PLAAT3: variants seen among roughly 807,000 people sequenced by gnomAD.
PLAAT3 encodes Ca-independent phospholipase A1/2.
Under a neutral mutation model 16.7 loss-of-function variants are expected in PLAAT3, and 21 were observed. The observed-to-expected ratio is 1.26, with a 90% CI of 0.89 to 1.81. The LOEUF is 1.81. Among genes scored for constraint, PLAAT3 ranks in the 40% most tolerant of loss-of-function variants. The probability of loss-of-function intolerance (pLI) is 0.00; values close to 1 mark genes in which losing one functional copy is unlikely to be tolerated. For synonymous variants in PLAAT3, 76 were observed against 81.7 expected (o/e 0.93, Z 0.38); for missense variants, 219 against 213.7 (o/e 1.02, Z -0.16).
At chr11:63,608,094 A>C (rs1004056045) in intron 2 of PLAAT3, among the ~76,000 whole-genome samples, 2 of 152,152 alleles carry the variant, frequency 1.3e-5, no homozygotes, top group Non-Finnish European at 2.9e-5. Context: ...AGGCAGGAGA[A>C]TTGCTTGAAC....
upstream of PLAAT3, among the ~76,000 whole-genome samples, chr11:63,615,140 G>GTATATATTGTA (rs1285666170): frequency 1.6e-5 from 1 of 62,470 alleles, no homozygotes; most frequent in South Asian, 6.0e-4. Context: ...ATGTATATGT[G>GTATATATTGTA]TATATGTGTG....
At chr11:63,608,146 C>A (rs964399813) in intron 2 of PLAAT3, among the ~76,000 whole-genome samples, 10 of 152,298 alleles carry the variant, frequency 6.6e-5, no homozygotes, top group Admixed American at 1.3e-4. Context: ...CGTGCCACTG[C>A]ACTCCAGCCT....
intron 4 of PLAAT3, among the ~76,000 whole-genome samples, chr11:63,588,206 A>G (rs976349041): frequency 6.6e-6 from 1 of 152,008 alleles, no homozygotes; most frequent in Middle Eastern, 3.2e-3. Flanking sequence ...AGTAGCTGAG[A>G]TTACAGATGC....
intron 4 of PLAAT3, among the ~76,000 whole-genome samples, chr11:63,579,982 G>A (rs1937760026): frequency 1.3e-5 from 2 of 151,782 alleles, no homozygotes; most frequent in African/African-American, 4.8e-5. Context: ...CAAATCAAGT[G>A]AGAGGGTAAA....
intron 2 of PLAAT3, among the ~76,000 whole-genome samples, chr11:63,603,142 A>G (rs1938471206): frequency 6.6e-6 from 1 of 152,196 alleles, no homozygotes; most frequent in Non-Finnish European, 1.5e-5. Context: ...ATTTACAGGA[A>G]AAGTTTGCCA....
At chr11:63,579,639 G>A (rs1045899251) in intron 4 of PLAAT3, among the ~76,000 whole-genome samples, 8 of 145,984 alleles carry the variant, frequency 5.5e-5, no homozygotes, top group African/African-American at 1.3e-4. Context: ...ACCAAACATC[G>A]CATGTTCTCA....
In PLAAT3 at chr11:63,590,331, G is replaced by A. The variant is rs142942871; in HGVS notation, c.156C>T (p.Ser52=). The change falls in exon 4 of 5, where the codon TCC becomes TCT. Residue 52 remains serine, a synonymous_variant. Transcript: ENST00000415826. ...TCACGATGGCCTTGTCAGTCAGGGC[G>A]GACATGACACTGGCTGCACCAGCTC... The part of the protein sequence containing the change: ...VAGAGAASVM[S]ALTDKAIVKK... 1.3e-3 allele frequency: 2,027 copies of A among 1,613,640 alleles called. 4 individuals are homozygous for A. The highest frequency in any genetic ancestry group is 1.3e-3 in the Non-Finnish European group (1,557 of 1,179,554).
At chr11:63,590,488 G>C in intron 3 of PLAAT3, 120 bp from the exon 4 acceptor site, 2 of 798,902 alleles carry the variant, frequency 2.5e-6, no homozygotes, top group South Asian at 3.3e-5. Flanking sequence ...GCAACAAGTG[G>C]AAGGGTCAGA....
At chr11:63,593,699 G>C (rs1938208376) in intron 3 of PLAAT3, among the ~76,000 whole-genome samples, 1 of 152,058 alleles carries the variant, frequency 6.6e-6, no homozygotes, top group Non-Finnish European at 1.5e-5. Context: ...TCGTGCCTCA[G>C]CCTCCAAGTA....
intron 4 of PLAAT3, among the ~76,000 whole-genome samples, 181 bp from the exon 5 acceptor site, chr11:63,575,227 C>A (rs79827516): frequency 2.6e-5 from 4 of 152,192 alleles, no homozygotes; most frequent in Non-Finnish European, 1.5e-5. Context: ...GAAAAGAATT[C>A]GTGGCTGGAG....
At chr11:63,613,512 A>G (rs1186258696) in intron 2 of PLAAT3, among the ~76,000 whole-genome samples, 1 of 152,274 alleles carries the variant, frequency 6.6e-6, no homozygotes, top group Non-Finnish European at 1.5e-5. Flanking sequence ...CAGATGCTCA[A>G]CACTAGGAGG....
At chr11:63,603,058 A>G (rs1286575229) in intron 2 of PLAAT3, among the ~76,000 whole-genome samples, 3 of 152,060 alleles carry the variant, frequency 2.0e-5, no homozygotes, top group Non-Finnish European at 2.9e-5. Flanking sequence ...ACGCCATTGC[A>G]CTCCAGCCTG....
At chr11:63,594,140 G>C (rs150953017) in intron 3 of PLAAT3, among the ~76,000 whole-genome samples, 6 of 152,336 alleles carry the variant, frequency 3.9e-5, no homozygotes, top group African/African-American at 1.2e-4. Context: ...CTTTAGGCCT[G>C]AGCAGCTGAA....
intron 4 of PLAAT3, among the ~76,000 whole-genome samples, chr11:63,589,764 C>T (rs1938091965): frequency 6.6e-6 from 1 of 152,194 alleles, no homozygotes; most frequent in Admixed American, 6.5e-5. Flanking sequence ...GTTTCCCAAT[C>T]TGTAAGGTAG....
At position 63,613,898 on chromosome 11, in the gene PLAAT3, G is replaced by A. The variant is rs1938758391; in HGVS notation, c.15+102C>T. On this transcript the variant is annotated intron_variant, in intron 2 of 4. Transcript: ENST00000415826. ...ACAGAGGTGCGGGCCCCACATCCTC[G>A]AGGCTCCTCTCTCGGAAGCAGTAAT... 4 of 744,382 alleles carry A rather than the reference G, an allele frequency of 5.4e-6. No individual in the cohort carries two copies. In the South Asian group the frequency reaches 6.4e-5, roughly 12 times the overall value. 46.1% of individuals were successfully genotyped at this position (744,382 alleles called of 1,614,324 possible). A position where few individuals can be genotyped will look rare whatever the true frequency, so the allele number is the denominator to read the frequency against.
intron 4 of PLAAT3, among the ~76,000 whole-genome samples, chr11:63,575,771 T>C (rs2017651201): frequency 6.6e-6 from 1 of 152,128 alleles, no homozygotes; most frequent in Non-Finnish European, 1.5e-5. Context: ...CACTAAATCC[T>C]AAGGCAGCAA....
intron 2 of PLAAT3, chr11:63,608,713 A>G (rs1836430797): frequency 6.6e-6 from 1 of 152,234 alleles, no homozygotes; most frequent in African/African-American, 2.4e-5. Context: ...TTTCAGGACT[A>G]CAAAAAATAC....
intron 2 of PLAAT3, among the ~76,000 whole-genome samples, chr11:63,602,208 T>G (rs533720911): frequency 8.0e-4 from 122 of 151,626 alleles, no homozygotes; most frequent in African/African-American, 2.8e-3. Flanking sequence ...GAGAATCACT[T>G]GAACCCAGGA....
At chr11:63,575,595 A>G (rs192890035) in intron 4 of PLAAT3, among the ~76,000 whole-genome samples, 42 of 152,368 alleles carry the variant, frequency 2.8e-4, no homozygotes, top group African/African-American at 1.0e-3. Flanking sequence ...GCTTAGAATT[A>G]TTAGGATATC....
Sources: allele counts gnomAD v4.1 joint callset (sites outside exome capture counted in the v4.1 genomes callset), GRCh38; gene constraint gnomAD v4.1.1; transcripts MANE v1.5; gene names NCBI Gene and HGNC (gene_info 2026-07-23, HGNC 2026-07-21).